MMD2: variants seen among roughly 807,000 people sequenced by gnomAD.
MMD2 encodes the protein monocyte to macrophage differentiation factor 2.
A neutral mutation model predicts 33.5 loss-of-function variants in MMD2; 30 were observed. The ratio of observed to expected loss-of-function variants is 0.90; its 90% CI spans 0.67 to 1.22. MMD2 has a LOEUF of 1.22. Among genes scored for constraint, MMD2 ranks in the 50% most tolerant of loss-of-function variants. MMD2 has a pLI of 0.00. For missense variants in MMD2, 364 were observed against 325.4 expected, an observed-to-expected ratio of 1.12 and a Z score of -0.91; for synonymous variants, 129 against 123.0, an observed-to-expected ratio of 1.05 and a Z score of -0.32.
In MMD2 at chr7:4,916,019, A is replaced by T; in HGVS notation, c.351T>A (p.Ala117=). 1.2e-6 allele frequency: 2 copies of T among 1,613,912 alleles called. No individual in the cohort carries two copies. The highest frequency in any genetic ancestry group is 2.7e-5 in the African/African-American group (2 of 75,048). The change falls in exon 4 of 7, where the codon GCT becomes GCA. Residue 117 remains alanine (A), a synonymous_variant. Transcript: ENST00000401401. The part of the protein sequence containing the change: ...DRMVIYFFIA[A]SYAPWLNLRE... Reference sequence around the variant, plus strand: ...ACGGTACTCACCAGGGTGCGTAGGAAGCCGCTATGAAGAAATAGATGACCA... The same window carrying T: ...ACGGTACTCACCAGGGTGCGTAGGATGCCGCTATGAAGAAATAGATGACCA...
At chr7:4,895,861 C>A in the MMD2 span, among the ~76,000 whole-genome samples, 2 of 152,102 alleles carry the variant, frequency 1.3e-5, no homozygotes, top group African/African-American at 2.4e-5. Flanking sequence ...ATCATCAGGA[C>A]AACCTGTACA....
intron 1 of MMD2, among the ~76,000 whole-genome samples, chr7:4,950,476 C>T (rs1208461335): frequency 6.6e-6 from 1 of 152,086 alleles, no homozygotes; most frequent in Non-Finnish European, 1.5e-5. Context: ...GAAACCCTGT[C>T]CCTATTAAAC....
the MMD2 span, among the ~76,000 whole-genome samples, chr7:4,892,449 A>G: frequency 0.65 from 98,737 of 151,214 alleles, 33,174 homozygotes; most frequent in East Asian, 0.8. Flanking sequence ...TTAGCTGGGC[A>G]TGGTGGTGGG....
the MMD2 span, among the ~76,000 whole-genome samples, chr7:4,896,953 G>C: frequency 1.3e-5 from 2 of 151,942 alleles, no homozygotes; most frequent in East Asian, 1.9e-4. Flanking sequence ...TCCACCTCCC[G>C]GGTTCAAGTG....
rs1784993373 is a variant in MMD2, at chr7:4,911,056, A to T, written c.467+89T>A. ...GCTGTGCTCTCACGATTATGAGATC[A>T]TCCTGGACTCTCGGCAGCCCAGGAG... is the stretch of plus-strand genomic sequence containing the variant. On this transcript the variant is annotated intron_variant, in intron 5 of 6. Coordinates refer to ENST00000401401, the MANE Select transcript of MMD2 (RefSeq NM_198403.4). 5.4e-6 allele frequency: 6 copies of T among 1,117,236 alleles called. No homozygotes were observed. The Admixed American group carries it at 1.3e-4, about 23-fold the overall frequency. The allele number at this position is 1,117,236 out of a possible 1,614,324, so 69.2% of individuals were successfully genotyped here. A position where few individuals can be genotyped will look rare whatever the true frequency, so the allele number is the denominator to read the frequency against.
intron 1 of MMD2, among the ~76,000 whole-genome samples, chr7:4,949,384 G>A (rs1366778286): frequency 6.6e-6 from 1 of 151,878 alleles, no homozygotes. Flanking sequence ...GTGTCCAAGA[G>A]TTCAACTGTT....
chr7:4,909,782 C>T, intron 6 of MMD2, 99 bp downstream of exon 6: 1 of 1,503,880 alleles, frequency 6.6e-7, no homozygotes, highest in Non-Finnish European at 9.1e-7. Flanking sequence ...TCCCCGCCTG[C>T]CAAAGGAGAG....
intron 1 of MMD2, among the ~76,000 whole-genome samples, chr7:4,954,355 T>C (rs1786328845): frequency 6.6e-6 from 1 of 152,216 alleles, no homozygotes; most frequent in Admixed American, 6.6e-5. Flanking sequence ...GTTGCAAATA[T>C]GTCCTTTGCA....
chr7:4,910,088 G>T, intron 5 of MMD2, 138 bp from the exon 6 acceptor site: 1 of 1,577,384 alleles, frequency 6.3e-7, no homozygotes, highest in East Asian at 2.2e-5. Context: ...TGTCCAGCAC[G>T]CCTTGGCTCA....
chr7:4,927,782 C>G (rs745605946), intron 1 of MMD2, among the ~76,000 whole-genome samples: 28 of 152,174 alleles, frequency 1.8e-4, no homozygotes, highest in Non-Finnish European at 3.7e-4. Flanking sequence ...ATCTTCAAAG[C>G]GTTATCACCT....
intron 5 of MMD2, 139 bp from the exon 6 acceptor site, chr7:4,910,089 C>G (rs773153013): frequency 6.3e-7 from 1 of 1,577,446 alleles, no homozygotes; most frequent in Non-Finnish European, 8.6e-7. Flanking sequence ...GTCCAGCACG[C>G]CTTGGCTCAG....
chr7:4,938,063 G>T (rs1470516612), intron 1 of MMD2, among the ~76,000 whole-genome samples: 3 of 116,954 alleles, frequency 2.6e-5, no homozygotes, highest in African/African-American at 1.0e-4. Flanking sequence ...CCAGGCTGGA[G>T]TGCAATGGCA....
At chr7:4,949,791 T>G (rs993046260) in intron 1 of MMD2, among the ~76,000 whole-genome samples, 2 of 151,988 alleles carry the variant, frequency 1.3e-5, no homozygotes, top group Non-Finnish European at 2.9e-5. Context: ...CATGAGCCAC[T>G]GTGCCCGGCC....
Position 4,909,969 on chromosome 7 carries a change from G to T in MMD2, c.468-19C>A, listed in dbSNP as rs529683726. ...CTTGTACCTGGCAGGAAGACAAGCC[G>T]TGCCGGCCTTAGGACATGCCTCCCC... On this transcript the variant is annotated intron_variant, in intron 5 of 6. Coordinates refer to ENST00000401401, the MANE Select transcript of MMD2 (RefSeq NM_198403.4). 3.2e-5 allele frequency: 52 copies of T among 1,613,948 alleles called. No individual in the cohort carries two copies. The South Asian group carries it at 4.2e-4, about 13-fold the overall frequency.
chr7:4,924,357 TA>T (rs1785368433), intron 2 of MMD2, among the ~76,000 whole-genome samples: 1 of 152,226 alleles, frequency 6.6e-6, no homozygotes, highest in Non-Finnish European at 1.5e-5. Context: ...CCCCGGGGTC[TA>T]ACAGGTCAGG....
At chr7:4,926,699 G>A (rs1424123587) in intron 1 of MMD2, among the ~76,000 whole-genome samples, 1 of 152,052 alleles carries the variant, frequency 6.6e-6, no homozygotes, top group East Asian at 1.9e-4. Context: ...ATTTTTGCGA[G>A]ATTCATCCAC....
chr7:4,924,409 C>T (rs1785369846), intron 2 of MMD2, among the ~76,000 whole-genome samples: 1 of 152,260 alleles, frequency 6.6e-6, no homozygotes, highest in African/African-American at 2.4e-5. Flanking sequence ...CACACGCTAT[C>T]TGGGCACTTC....
intron 1 of MMD2, among the ~76,000 whole-genome samples, chr7:4,935,064 T>C (rs2175683): frequency 0.3 from 45,055 of 151,866 alleles, 6,849 homozygotes; most frequent in Admixed American, 0.37. Flanking sequence ...CGCACACCTG[T>C]AATTCCAGCT....
chr7:4,895,397 A>G, the MMD2 span, among the ~76,000 whole-genome samples: 4 of 152,064 alleles, frequency 2.6e-5, no homozygotes, highest in Non-Finnish European at 5.9e-5. Flanking sequence ...TTTTATGGAC[A>G]CAGGCTAGGG....
Sources: allele counts gnomAD v4.1 joint callset (sites outside exome capture counted in the v4.1 genomes callset), GRCh38; gene constraint gnomAD v4.1.1; transcripts MANE v1.5; gene names NCBI Gene and HGNC (gene_info 2026-07-23, HGNC 2026-07-21).